The following LSAMP variants were observed in gnomAD, a reference collection of about 807,000 sequenced individuals.
LSAMP encodes the protein limbic system-associated membrane protein.
LSAMP carries 7 observed loss-of-function variants against 38.6 expected under a neutral mutation model. That is an observed-to-expected ratio of 0.18 (90% CI 0.10 to 0.34). The LOEUF (loss-of-function observed/expected upper bound fraction) is 0.34. Among genes scored for constraint, LSAMP ranks in the 10% least tolerant of loss-of-function variants. The pLI, the probability that LSAMP is intolerant of heterozygous loss-of-function variation, is 1.00. For missense variants in LSAMP, 313 were observed against 420.0 expected (o/e 0.75, Z 2.23); for synonymous variants, 154 against 166.8 (o/e 0.92, Z 0.59).
At chr3:116,390,951 C>A (rs908159153) in intron 1 of LSAMP, among the ~76,000 whole-genome samples, 16 of 152,058 alleles carry the variant, frequency 1.1e-4, no homozygotes, top group Non-Finnish European at 1.9e-4. Flanking sequence ...ACCTGAAAGT[C>A]TTTGTCAGTG....
chr3:116,188,136 TATC>T (rs965727491), intron 1 of LSAMP, among the ~76,000 whole-genome samples: 13 of 152,278 alleles, frequency 8.5e-5, no homozygotes, highest in Admixed American at 2.6e-4. Flanking sequence ...TGGTGTCAAA[TATC>T]ATATCTATAT....
intron 3 of LSAMP, among the ~76,000 whole-genome samples, chr3:115,873,941 G>A (rs376759921): frequency 2.0e-5 from 3 of 152,230 alleles, no homozygotes; most frequent in South Asian, 4.1e-4. Flanking sequence ...CTATGATGGT[G>A]CATTTCTGAA....
chr3:115,979,600 A>G (rs1314792104), intron 3 of LSAMP, among the ~76,000 whole-genome samples: 1 of 152,118 alleles, frequency 6.6e-6, no homozygotes, highest in Non-Finnish European at 1.5e-5. Flanking sequence ...TATTCAGGTT[A>G]GAGGCTTAGA....
intron 6 of LSAMP, among the ~76,000 whole-genome samples, chr3:115,811,464 A>G (rs372729478): frequency 2.6e-5 from 4 of 152,200 alleles, no homozygotes; most frequent in African/African-American, 9.7e-5. Flanking sequence ...ATTTAAGACT[A>G]CATACTTAAA....
chr3:116,044,493 A>C (rs775372308), intron 2 of LSAMP, among the ~76,000 whole-genome samples: 1 of 152,090 alleles, frequency 6.6e-6, no homozygotes, highest in Non-Finnish European at 1.5e-5. Flanking sequence ...GACAGAGCTG[A>C]GTGTGATGTT....
intron 2 of LSAMP, among the ~76,000 whole-genome samples, chr3:116,078,336 T>C (rs1404698888): frequency 6.6e-6 from 1 of 151,110 alleles, no homozygotes; most frequent in African/African-American, 2.4e-5. Flanking sequence ...ATTTATTTAT[T>C]TTTTTTGAGA....
chr3:116,207,289 T>A (rs1431508993), intron 1 of LSAMP, among the ~76,000 whole-genome samples: 2 of 152,240 alleles, frequency 1.3e-5, no homozygotes, highest in Admixed American at 6.5e-5. Context: ...ATTTTGTGCC[T>A]ATGTGTGTCT....
At chr3:116,131,860 C>T (rs1023178671) in intron 1 of LSAMP, among the ~76,000 whole-genome samples, 1 of 149,936 alleles carries the variant, frequency 6.7e-6, no homozygotes, top group Non-Finnish European at 1.5e-5. Context: ...TGGAGTCTTG[C>T]TCTGTCTCCC....
chr3:116,152,134 AT>A (rs1709627330), intron 1 of LSAMP, among the ~76,000 whole-genome samples: 2 of 152,048 alleles, frequency 1.3e-5, no homozygotes, highest in African/African-American at 4.8e-5. Flanking sequence ...TGAGGCATAC[AT>A]TATTATTTTA....
chr3:116,125,992 C>T (rs1475808657), intron 1 of LSAMP, among the ~76,000 whole-genome samples: 1 of 152,168 alleles, frequency 6.6e-6, no homozygotes, highest in African/African-American at 2.4e-5. Context: ...CATTTCTAAG[C>T]TTCAGCATTT....
intron 2 of LSAMP, among the ~76,000 whole-genome samples, chr3:116,046,941 T>G (rs1040603071): frequency 3.3e-5 from 5 of 152,136 alleles, no homozygotes; most frequent in African/African-American, 1.2e-4. Context: ...GTCAGGCAGA[T>G]GAAAAAATGG....
At chr3:115,921,278 G>A (rs1206883289) in intron 3 of LSAMP, among the ~76,000 whole-genome samples, 1 of 151,608 alleles carries the variant, frequency 6.6e-6, no homozygotes, top group African/African-American at 2.4e-5. Context: ...ATTTCTTCTT[G>A]TTGTTTTCCT....
Position 116,359,495 on chromosome 3 carries a change from G to T in LSAMP, c.155+85382C>A, listed in dbSNP as rs187676897. Among the ~76,000 whole-genome samples the T allele has an allele frequency of 7.2e-5, 11 of 152,348 alleles. No individual in the cohort carries two copies. In the East Asian group the frequency reaches 1.9e-3, roughly 27 times the overall value. On this transcript the variant is annotated intron_variant, in intron 1 of 6. Transcript: ENST00000490035. ...AATGTGTAAATGTTGCATAGCCTAT[G>T]CATTAAGTAGCTTTTTAGGAAACTT...
At chr3:116,158,571 G>A (rs919307465) in intron 1 of LSAMP, among the ~76,000 whole-genome samples, 2 of 151,894 alleles carry the variant, frequency 1.3e-5, no homozygotes, top group South Asian at 4.2e-4. Flanking sequence ...AAGCTGACAG[G>A]CAAATCAAGA....
chr3:116,038,172 G>T (rs1349608681), intron 2 of LSAMP, among the ~76,000 whole-genome samples: 2 of 152,070 alleles, frequency 1.3e-5, no homozygotes, highest in Non-Finnish European at 2.9e-5. Context: ...TAATCTTGGG[G>T]AAATTACTTA....
intron 3 of LSAMP, among the ~76,000 whole-genome samples, chr3:116,001,450 T>C (rs915717977): frequency 2.6e-5 from 4 of 152,212 alleles, no homozygotes; most frequent in Non-Finnish European, 5.9e-5. Context: ...CATGAAGAAC[T>C]CTGAGGGGAA....
chr3:116,179,986 T>A (rs1710446514), intron 1 of LSAMP, among the ~76,000 whole-genome samples: 1 of 152,198 alleles, frequency 6.6e-6, no homozygotes, highest in African/African-American at 2.4e-5. Context: ...TTCTAAGTAC[T>A]TATAACATAT....
chr3:115,958,116 A>G (rs921307360), intron 3 of LSAMP, among the ~76,000 whole-genome samples: 5 of 152,184 alleles, frequency 3.3e-5, no homozygotes, highest in Admixed American at 3.3e-4. Flanking sequence ...ACATACGCAC[A>G]TAGTTTGGCT....
chr3:115,906,909 GC>G (rs1937020659), intron 3 of LSAMP, among the ~76,000 whole-genome samples: 1 of 152,110 alleles, frequency 6.6e-6, no homozygotes, highest in Non-Finnish European at 1.5e-5. Context: ...AACTTTTGGG[GC>G]TTTGTTTGAA....
Sources: allele counts gnomAD v4.1 joint callset (sites outside exome capture counted in the v4.1 genomes callset), GRCh38; gene constraint gnomAD v4.1.1; transcripts MANE v1.5; gene names NCBI Gene and HGNC (gene_info 2026-07-23, HGNC 2026-07-21).